The following EPHA6 variants were observed in gnomAD, a reference collection of about 807,000 sequenced individuals.
EPHA6 encodes the protein ephrin type-A receptor 6.
A neutral mutation model predicts 112.0 loss-of-function variants in EPHA6; 50 were observed. The ratio of observed to expected loss-of-function variants is 0.45; its 90% confidence interval spans 0.36 to 0.56. The LOEUF is 0.56. Ranked by LOEUF, EPHA6 falls within the 20% of genes least tolerant of loss-of-function variation. The pLI is 0.00. For missense variants in EPHA6, 1,280 were observed against 1,417.4 expected, an observed-to-expected ratio of 0.90 and a Z score of 1.56; for synonymous variants, 529 against 490.7, an observed-to-expected ratio of 1.08 and a Z score of -1.03.
chr3:97,111,228 A>G (rs2047715263), intron 3 of EPHA6, among the ~76,000 whole-genome samples: 1 of 152,172 alleles, frequency 6.6e-6, no homozygotes, highest in Non-Finnish European at 1.5e-5. Flanking sequence ...GAATTTTCTT[A>G]TAAAAAATTT....
chr3:97,368,341 ATATT>A (rs1203916075), intron 5 of EPHA6, among the ~76,000 whole-genome samples: 3 of 152,182 alleles, frequency 2.0e-5, no homozygotes, highest in Non-Finnish European at 4.4e-5. Flanking sequence ...ATTTTGAAAC[ATATT>A]TAGTTATTTA....
At chr3:96,897,746 A>T (rs1452046666) in intron 2 of EPHA6, among the ~76,000 whole-genome samples, 4 of 152,214 alleles carry the variant, frequency 2.6e-5, no homozygotes, top group South Asian at 4.1e-4. Context: ...TTTATGTAAA[A>T]TTTTTTTCTA....
intron 3 of EPHA6, among the ~76,000 whole-genome samples, chr3:97,163,934 G>A (rs1024819631): frequency 2.6e-5 from 4 of 152,152 alleles, no homozygotes; most frequent in Non-Finnish European, 4.4e-5. Context: ...AAGATATTCT[G>A]CATTTGATTT....
intron 11 of EPHA6, among the ~76,000 whole-genome samples, chr3:97,543,529 G>T (rs1263114166): frequency 1.3e-5 from 2 of 152,186 alleles, no homozygotes; most frequent in South Asian, 2.1e-4. Context: ...CAGGTAGCGT[G>T]CTGCCTCCAG....
At chr3:97,483,798 C>G (rs2091623720) in intron 9 of EPHA6, 136 bp from the exon 10 acceptor site, 2 of 901,516 alleles carry the variant, frequency 2.2e-6, no homozygotes, top group Non-Finnish European at 3.0e-6. Context: ...TAATATGGGA[C>G]AGGAAGAAAA....
intron 2 of EPHA6, among the ~76,000 whole-genome samples, chr3:96,952,668 CATT>C (rs1268445183): frequency 6.6e-6 from 1 of 152,158 alleles, no homozygotes; most frequent in Non-Finnish European, 1.5e-5. Context: ...CCAGTGTTAA[CATT>C]ATTTGACCTT....
At chr3:97,433,736 A>G (rs1577390929) in intron 6 of EPHA6, among the ~76,000 whole-genome samples, 1 of 152,190 alleles carries the variant, frequency 6.6e-6, no homozygotes. Flanking sequence ...GCTAGGGCAG[A>G]ACACTTAGTA....
chr3:96,945,681 A>G (rs988465108), intron 2 of EPHA6, among the ~76,000 whole-genome samples: 2 of 152,198 alleles, frequency 1.3e-5, no homozygotes, highest in Non-Finnish European at 2.9e-5. Flanking sequence ...TTACAGATTT[A>G]CATTATAATT....
intron 2 of EPHA6, among the ~76,000 whole-genome samples, chr3:96,924,625 A>AT (rs2039941077): frequency 6.6e-6 from 1 of 151,814 alleles, no homozygotes; most frequent in Admixed American, 6.6e-5. Flanking sequence ...AATACCCTTT[A>AT]TTTTTTTCTC....
chr3:96,891,719 A>G (rs1279516102), intron 2 of EPHA6, among the ~76,000 whole-genome samples: 1 of 152,166 alleles, frequency 6.6e-6, no homozygotes, highest in Non-Finnish European at 1.5e-5. Flanking sequence ...AAATAAATAA[A>G]TAAAAATAAA....
intron 5 of EPHA6, among the ~76,000 whole-genome samples, chr3:97,368,659 A>G (rs1006637823): frequency 3.9e-5 from 6 of 152,340 alleles, no homozygotes; most frequent in Middle Eastern, 6.8e-3. Flanking sequence ...AATAACATTT[A>G]AAAGCCTTTT....
At chr3:97,436,357 T>C (rs1243503596) in intron 6 of EPHA6, among the ~76,000 whole-genome samples, 1 of 152,114 alleles carries the variant, frequency 6.6e-6, no homozygotes, top group Non-Finnish European at 1.5e-5. Flanking sequence ...ACAAAACAAA[T>C]ATATTGGTAT....
chr3:97,281,940 T>C (rs2080300312), intron 5 of EPHA6, among the ~76,000 whole-genome samples: 1 of 152,148 alleles, frequency 6.6e-6, no homozygotes, highest in South Asian at 2.1e-4. Context: ...TTAGAAAATA[T>C]CACCAAATTT....
chr3:97,473,026 A>T (rs545407669), intron 7 of EPHA6, among the ~76,000 whole-genome samples: 2 of 151,908 alleles, frequency 1.3e-5, no homozygotes, highest in African/African-American at 4.8e-5. Context: ...TTTGATAATG[A>T]ATTGACGCTC....
intron 10 of EPHA6, among the ~76,000 whole-genome samples, chr3:97,516,968 T>C (rs2092457430): frequency 6.6e-6 from 1 of 152,070 alleles, no homozygotes; most frequent in Admixed American, 6.6e-5. Context: ...CTAGGTGCTG[T>C]GGAAACAACA....
chr3:97,630,745 G>T (rs866695377), intron 13 of EPHA6, among the ~76,000 whole-genome samples: 1 of 152,028 alleles, frequency 6.6e-6, no homozygotes, highest in Non-Finnish European at 1.5e-5. Context: ...TCAAAATGGG[G>T]AAAGTGTGTT....
intron 10 of EPHA6, among the ~76,000 whole-genome samples, chr3:97,521,384 G>T (rs550697910): frequency 1.3e-5 from 2 of 152,210 alleles, no homozygotes; most frequent in African/African-American, 4.8e-5. Flanking sequence ...ATTCATAAAG[G>T]AAAGTGGTTT....
chr3:97,539,355 C>T (rs1334347589), intron 11 of EPHA6, among the ~76,000 whole-genome samples: 1 of 151,912 alleles, frequency 6.6e-6, no homozygotes, highest in Non-Finnish European at 1.5e-5. Flanking sequence ...GCCGTGTTGG[C>T]CAGACTGGTC....
At chr3:97,063,802 T>C (rs757135268) in intron 3 of EPHA6, among the ~76,000 whole-genome samples, 2 of 152,196 alleles carry the variant, frequency 1.3e-5, no homozygotes, top group Non-Finnish European at 2.9e-5. Flanking sequence ...CTCTCCAGCG[T>C]ACACTTCTGA....
Sources: gnomAD v4.1 joint callset for allele counts (sites outside exome capture counted in the v4.1 genomes callset) on GRCh38, gnomAD v4.1.1 for gene constraint, MANE v1.5 for transcripts, NCBI Gene and HGNC (gene_info 2026-07-23, HGNC 2026-07-21) for gene names.